Variants in KIAA0825 observed in about 807,000 individuals in gnomAD.
KIAA0825 encodes KIAA0825, also known as uncharacterized protein KIAA0825.
A neutral mutation model predicts 147.6 loss-of-function variants in KIAA0825; 119 were observed. That is an observed-to-expected ratio of 0.81 (90% confidence interval 0.69 to 0.94). The LOEUF (loss-of-function observed/expected upper bound fraction) is 0.94. KIAA0825 is among the 40% of genes least tolerant of loss of function. The pLI, the probability that KIAA0825 is intolerant of heterozygous loss-of-function variation, is 0.00. For synonymous variants in KIAA0825, 470 were observed against 518.1 expected, an observed-to-expected ratio of 0.91 and a Z score of 1.26; for missense variants, 1,381 against 1,472.7, an observed-to-expected ratio of 0.94 and a Z score of 1.02.
rs537918354 is a variant in KIAA0825 at position 94,315,356 on chromosome 5, AT to A, written c.3710+69011del. Among the ~76,000 whole-genome samples, 272 of 151,442 alleles carry A rather than the reference AT, an allele frequency of 1.8e-3. 2 individuals carry two copies. Among genetic ancestry groups the A allele is most frequent in the Non-Finnish European group, 2.8e-3 (188 of 67,694 alleles). Reference sequence around the variant, plus strand: ...TCAGAGGCCTAGAGGTAAACTTATTATTTTTTTTAAGAAACCACTTCAAGCT... The same window carrying A: ...TCAGAGGCCTAGAGGTAAACTTATTATTTTTTTAAGAAACCACTTCAAGCT... On this transcript the variant is annotated intron_variant, in intron 20 of 20. Coordinates refer to ENST00000682413, the MANE Select transcript of KIAA0825 (RefSeq NM_001145678.3).
intron 20 of KIAA0825, among the ~76,000 whole-genome samples, chr5:94,223,043 T>G (rs942748731): frequency 5.9e-5 from 9 of 152,284 alleles, no homozygotes; most frequent in African/African-American, 2.2e-4. Context: ...AGATCTAGAC[T>G]TGTTCATCCT....
chr5:94,561,892 CTATT>C (rs768816787), intron 2 of KIAA0825, among the ~76,000 whole-genome samples: 6 of 151,978 alleles, frequency 3.9e-5, no homozygotes, highest in African/African-American at 2.4e-5. Flanking sequence ...GTAGATAATA[CTATT>C]TAAAGGCTAT....
intron 15 of KIAA0825, among the ~76,000 whole-genome samples, chr5:94,407,833 GTATA>G (rs1351875535): frequency 7.2e-5 from 11 of 152,210 alleles, no homozygotes; most frequent in African/African-American, 2.6e-4. Flanking sequence ...GAAATTTATG[GTATA>G]TAAATTATAT....
Position 94,151,262 on chromosome 5 carries a change from A to C in KIAA0825, c.*2745T>G, listed in dbSNP as rs1362622446. ...GAAACCCCGTCTCTACTAAAAATAC[A>C]AAAAAGTAGCCGGGCGCGGTGGCGG... On this transcript the variant is annotated 3_prime_UTR_variant, in exon 21 of 21. Transcript: ENST00000682413. 6.6e-6 allele frequency among the ~76,000 whole-genome samples: 1 copy of C among 150,796 alleles called. No individual in the cohort carries two copies. Among genetic ancestry groups the C allele is most frequent in the African/African-American group, 2.4e-5 (1 of 41,070 alleles).
At chr5:94,192,413 A>G (rs963640187) in intron 20 of KIAA0825, among the ~76,000 whole-genome samples, 2 of 152,236 alleles carry the variant, frequency 1.3e-5, no homozygotes, top group African/African-American at 4.8e-5. Context: ...ATTACATATG[A>G]TTTATAACCT....
intron 20 of KIAA0825, among the ~76,000 whole-genome samples, chr5:94,173,120 G>A (rs1224483011): frequency 6.6e-6 from 1 of 151,990 alleles, no homozygotes; most frequent in Non-Finnish European, 1.5e-5. Context: ...GACAATTAGC[G>A]ACACTTCTAT....
At chr5:94,168,183 T>G (rs1768240193) in intron 20 of KIAA0825, among the ~76,000 whole-genome samples, 1 of 152,038 alleles carries the variant, frequency 6.6e-6, no homozygotes, top group African/African-American at 2.4e-5. Flanking sequence ...AGTAATTTGT[T>G]TGCTTGCTTA....
intron 20 of KIAA0825, among the ~76,000 whole-genome samples, chr5:94,352,796 A>G (rs1487001759): frequency 6.6e-6 from 1 of 152,264 alleles, no homozygotes; most frequent in Non-Finnish European, 1.5e-5. Context: ...GAGATTGGAG[A>G]CTATTATTCT....
chr5:94,325,254 A>G (rs1337223073), intron 20 of KIAA0825, among the ~76,000 whole-genome samples: 4 of 151,984 alleles, frequency 2.6e-5, no homozygotes, highest in African/African-American at 9.6e-5. Flanking sequence ...TAATAGGACC[A>G]TGGATTCATA....
chr5:94,266,235 CA>C (rs1233542381), intron 20 of KIAA0825, among the ~76,000 whole-genome samples: 1 of 152,158 alleles, frequency 6.6e-6, no homozygotes, highest in Non-Finnish European at 1.5e-5. Flanking sequence ...TAAACTTTGA[CA>C]GCTTCTTAAT....
At chr5:94,200,685 G>T (rs1771581223) in intron 20 of KIAA0825, among the ~76,000 whole-genome samples, 1 of 151,824 alleles carries the variant, frequency 6.6e-6, no homozygotes, top group Non-Finnish European at 1.5e-5. Context: ...ACTGGATAAG[G>T]TTACACATCT....
intron 20 of KIAA0825, among the ~76,000 whole-genome samples, chr5:94,273,468 G>A (rs1219914257): frequency 6.6e-6 from 1 of 152,108 alleles, no homozygotes; most frequent in African/African-American, 2.4e-5. Context: ...ATTGTTTGGT[G>A]CTGAAGTTTG....
At chr5:94,376,024 C>T (rs1416878806) in intron 20 of KIAA0825, among the ~76,000 whole-genome samples, 1 of 152,168 alleles carries the variant, frequency 6.6e-6, no homozygotes, top group African/African-American at 2.4e-5. Flanking sequence ...ATCTGAGCAC[C>T]ATCACTTAGA....
At chr5:94,403,894 T>C (rs1355499247) in intron 15 of KIAA0825, 101 bp from the exon 16 acceptor site, 22 of 959,196 alleles carry the variant, frequency 2.3e-5, no homozygotes, top group Non-Finnish European at 3.1e-5. Flanking sequence ...TTTAAAGCTA[T>C]AGGAAAGGAG....
intron 20 of KIAA0825, among the ~76,000 whole-genome samples, chr5:94,316,064 C>T (rs1779627632): frequency 2.0e-5 from 3 of 151,496 alleles, no homozygotes; most frequent in South Asian, 4.2e-4. Flanking sequence ...TGTCAGCATA[C>T]AAAATAATGA....
At chr5:94,426,020 G>GTATTAT (rs148552259) in intron 14 of KIAA0825, among the ~76,000 whole-genome samples, 16,416 of 147,772 alleles carry the variant, frequency 0.11, 1,003 homozygotes, top group South Asian at 0.18. Flanking sequence ...GATAATTTTT[G>GTATTAT]TATTATTATT....
chr5:94,556,602 C>T (rs1776585527), intron 2 of KIAA0825, among the ~76,000 whole-genome samples: 1 of 152,104 alleles, frequency 6.6e-6, no homozygotes, highest in Non-Finnish European at 1.5e-5. Flanking sequence ...TATTATTTAG[C>T]TTAACTTTAA....
At chr5:94,442,028 A>G (rs756533891) in intron 13 of KIAA0825, among the ~76,000 whole-genome samples, 4 of 152,218 alleles carry the variant, frequency 2.6e-5, no homozygotes, top group Non-Finnish European at 5.9e-5. Flanking sequence ...TATATCCCAA[A>G]GCTTCTACTA....
chr5:94,174,964 T>A (rs1197536826), intron 20 of KIAA0825, among the ~76,000 whole-genome samples: 1 of 152,150 alleles, frequency 6.6e-6, no homozygotes, highest in Non-Finnish European at 1.5e-5. Context: ...GATGAACACA[T>A]CATTGGTATG....
Sources: gnomAD v4.1 joint callset for allele counts (sites outside exome capture counted in the v4.1 genomes callset) on GRCh38, gnomAD v4.1.1 for gene constraint, MANE v1.5 for transcripts, NCBI Gene and HGNC (gene_info 2026-07-23, HGNC 2026-07-21) for gene names.